DNAH5: variants seen among roughly 807,000 people sequenced by gnomAD.
The protein encoded by DNAH5 is axonemal beta dynein heavy chain 5.
In DNAH5, 372 loss-of-function variants were observed where a neutral mutation model predicts 518.2. That is an observed-to-expected ratio of 0.72 (90% CI 0.66 to 0.78). DNAH5 has a LOEUF of 0.78. DNAH5 is among the 30% of genes least tolerant of loss of function. DNAH5 has a pLI of 0.00. For synonymous variants in DNAH5, 2,039 were observed against 2,025.9 expected, an observed-to-expected ratio of 1.01 and a Z score of -0.17; for missense variants, 5,523 against 5,687.0, an observed-to-expected ratio of 0.97 and a Z score of 0.93.
chr5:13,896,861 T>C (rs1043180560), intron 15 of DNAH5: 3 of 152,220 alleles, frequency 2.0e-5, no homozygotes, highest in African/African-American at 4.8e-5. Flanking sequence ...CTAACTTTAA[T>C]GTGCCCCATA....
chr5:13,820,605 A>G (rs1762095705), intron 40 of DNAH5, 106 bp from the exon 41 acceptor site: 1 of 1,335,098 alleles, frequency 7.5e-7, no homozygotes, highest in Non-Finnish European at 1.1e-6. Context: ...CGGGCAGATC[A>G]CAAGGTCAGG....
rs767681422 is a variant in DNAH5, at chr5:13,716,671, A to G, written c.12725T>C (p.Ile4242Thr). 1 of 1,613,496 alleles carries G rather than the reference A, an allele frequency of 6.2e-7. No homozygotes were observed. The highest frequency in any genetic ancestry group is 8.5e-7 in the Non-Finnish European group (1 of 1,179,506). ...TTGAATCTCTCCTATCATGTAGCGG[A>G]TGGTGGTCCAGGAGACACCCTGGGA... is the stretch of plus-strand genomic sequence containing the variant. ...DVKKGVSWTT[I>T]RYMIGEIQYG... The change falls in exon 74 of 79, where the codon ATC becomes ACC. Residue 4242 changes from isoleucine (I) to threonine (T), a missense_variant. Ile to Thr is a moderately conservative substitution (Grantham distance 89). Coordinates refer to ENST00000265104, the MANE Select transcript of DNAH5 (RefSeq NM_001369.3).
intron 2 of DNAH5, among the ~76,000 whole-genome samples, chr5:13,929,050 C>G (rs973800985): frequency 2.0e-5 from 3 of 152,186 alleles, no homozygotes; most frequent in Non-Finnish European, 4.4e-5. Flanking sequence ...TACCCATGTT[C>G]ATAGTAGCAT....
chr5:13,817,081 T>A (rs1293695964), intron 42 of DNAH5, among the ~76,000 whole-genome samples: 1 of 152,246 alleles, frequency 6.6e-6, no homozygotes, highest in African/African-American at 2.4e-5. Flanking sequence ...CTACACAGAA[T>A]AATTTATTAG....
intron 1 of DNAH5, among the ~76,000 whole-genome samples, chr5:13,933,806 A>AAAC (rs1222898272): frequency 1.5e-4 from 23 of 151,882 alleles, no homozygotes; most frequent in African/African-American, 5.1e-4. Flanking sequence ...AAAAAAAAAA[A>AAAC]AAACTAAGGA....
chr5:13,800,863 T>C (rs1345024556), intron 47 of DNAH5, among the ~76,000 whole-genome samples: 1 of 152,128 alleles, frequency 6.6e-6, no homozygotes, highest in Non-Finnish European at 1.5e-5. Context: ...ACCAAGTAGA[T>C]ATGTTCGCTT....
intron 47 of DNAH5, among the ~76,000 whole-genome samples, chr5:13,794,332 A>G (rs143077597): frequency 1.3e-5 from 2 of 152,346 alleles, no homozygotes; most frequent in African/African-American, 4.8e-5. Flanking sequence ...ATTTCTAAAA[A>G]TTTACTTTTG....
chr5:13,691,745 G>C lies in DNAH5; in HGVS notation c.*239C>G. On this transcript the variant is annotated 3_prime_UTR_variant, in exon 79 of 79. Coordinates refer to ENST00000265104, the MANE Select transcript of DNAH5 (RefSeq NM_001369.3). ...GGATTTGAGGGCCACACTTCATTAG[G>C]ATGCTGTAAATTTACTTTTATATCA... The C allele has an allele frequency of 3.8e-6, 2 of 522,908 alleles. No individual in the cohort carries two copies. The highest frequency in any genetic ancestry group is 6.8e-6 in the Non-Finnish European group (2 of 292,506). 32.4% of individuals were successfully genotyped at this position (522,908 alleles called of 1,614,324 possible).
intron 17 of DNAH5, among the ~76,000 whole-genome samples, chr5:13,888,018 C>A (rs1392682787): frequency 1.3e-5 from 2 of 152,200 alleles, no homozygotes; most frequent in African/African-American, 2.4e-5. Context: ...CCTTCCTCGT[C>A]ATACTCAAAG....
chr5:13,984,722 A>T lies in DNAH5; in HGVS notation c.12+26926T>A, dbSNP rs182071940. On this transcript the variant is annotated intron_variant, in intron 1 of 78. Coordinates refer to the DNAH5 transcript ENST00000681290. ...TGTTCCATCAATATCTAATTTATTG[A>T]GAGTTTTTAGCATGAATGGCTGTTG... 1.3e-3 allele frequency among the ~76,000 whole-genome samples: 193 copies of T among 152,294 alleles called. 1 individual carries two copies. The highest frequency in any genetic ancestry group is 1.7e-3 in the Non-Finnish European group (114 of 68,032).
intron 70 of DNAH5, among the ~76,000 whole-genome samples, chr5:13,723,563 T>A (rs1745330760): frequency 6.6e-6 from 1 of 152,232 alleles, no homozygotes; most frequent in Non-Finnish European, 1.5e-5. Flanking sequence ...ATGGTAAATA[T>A]TTTAGACTTT....
At chr5:13,701,965 CAACAGTT>C (rs1742179646) in intron 76 of DNAH5, among the ~76,000 whole-genome samples, 1 of 152,154 alleles carries the variant, frequency 6.6e-6, no homozygotes, top group Admixed American at 6.5e-5. Flanking sequence ...ACGGGGTAAA[CAACAGTT>C]ATTTTCCAGA....
chr5:13,776,706 C>A lies in DNAH5; in HGVS notation c.9106G>T (p.Val3036Phe). The A allele has an allele frequency of 1.9e-6, 3 of 1,613,394 alleles. No homozygotes were observed. The highest frequency in any genetic ancestry group is 2.5e-6 in the Non-Finnish European group (3 of 1,179,682). Reference sequence around the variant, plus strand: ...TCATCTCGAGCAAATAGGTTAGAGACCTTAAAAAGAAGTACAGGCATGCAA... The same window carrying A: ...TCATCTCGAGCAAATAGGTTAGAGAACTTAAAAAGAAGTACAGGCATGCAA... ...YMNNVLSSGE[V>F]SNLFARDEID... The change falls in exon 55 of 79, where the codon GTC becomes TTC. Residue 3036 changes from valine (V) to phenylalanine (F), a missense_variant and splice_region_variant. Coordinates refer to ENST00000265104, the MANE Select transcript of DNAH5 (RefSeq NM_001369.3).
chr5:13,852,680 G>T (rs1266191537), intron 30 of DNAH5, among the ~76,000 whole-genome samples: 1 of 152,260 alleles, frequency 6.6e-6, no homozygotes, highest in Admixed American at 6.5e-5. Flanking sequence ...CCAGCTTGGT[G>T]GGGGGAGGGG....
At chr5:13,842,650 G>A (rs1241578366) in intron 32 of DNAH5, among the ~76,000 whole-genome samples, 1 of 152,084 alleles carries the variant, frequency 6.6e-6, no homozygotes, top group African/African-American at 2.4e-5. Flanking sequence ...CTAAAGTGCT[G>A]TACTAAGTCC....
chr5:13,882,822 T>A lies in DNAH5; in HGVS notation c.3175-7A>T. Reference sequence around the variant, plus strand: ...TTCTTTCTTGTATCTTTTTCTACAATGTAAAAGGATATTTTTCAGTTCTGT... The same window carrying A: ...TTCTTTCTTGTATCTTTTTCTACAAAGTAAAAGGATATTTTTCAGTTCTGT... On this transcript the variant is annotated splice_polypyrimidine_tract_variant and splice_region_variant and intron_variant, in intron 20 of 78. Coordinates refer to ENST00000265104, the MANE Select transcript of DNAH5 (RefSeq NM_001369.3). 6.2e-7 allele frequency: 1 copy of A among 1,613,948 alleles called. No individual in the cohort carries two copies. Among genetic ancestry groups the A allele is most frequent in the Non-Finnish European group, 8.5e-7 (1 of 1,179,774 alleles).
rs1740653619 is a variant in DNAH5 at position 13,691,126 on chromosome 5, T to G, written c.*858A>C. ...AGCCTGACTATTGAATATTTATGAT[T>G]TTTCCATTTTTTTCTGTTATTAAAT... On this transcript the variant is annotated 3_prime_UTR_variant, in exon 79 of 79. Transcript: ENST00000265104. 6.6e-6 allele frequency: 1 copy of G among 152,244 alleles called. No individual in the cohort carries two copies. Among genetic ancestry groups the G allele is most frequent in the African/African-American group, 2.4e-5 (1 of 41,476 alleles). The allele number at this position is 152,244 out of a possible 1,614,324, so 9.4% of individuals were successfully genotyped here. A position where few individuals can be genotyped will look rare whatever the true frequency, so the allele number is the denominator to read the frequency against.
chr5:13,829,646 G>T lies in DNAH5; in HGVS notation c.6308C>A (p.Ser2103Ter), dbSNP rs769260126. ...ACGGTCAGGCACCATCATGGCCACT[G>T]AGCGGAAATTAATCTTCAAGTTTTC... ...LPENLKINFRSVAMMVPDRQI... is the reference protein window; with the variant it reads ...LPENLKINFR Residue 2103 changes from serine (S) to a stop codon, truncating the protein, a stop_gained, in exon 38 of 79, where the codon TCA becomes TAA. Coordinates refer to ENST00000265104, the MANE Select transcript of DNAH5 (RefSeq NM_001369.3). LOFTEE classifies it high-confidence loss of function. The T allele has an allele frequency of 5.6e-6, 9 of 1,614,076 alleles. No homozygotes were observed. The highest frequency in any genetic ancestry group is 7.6e-6 in the Non-Finnish European group (9 of 1,180,038).
At chr5:13,714,318 T>C in intron 75 of DNAH5, 87 bp downstream of exon 75, 2 of 1,352,250 alleles carry the variant, frequency 1.5e-6, no homozygotes, top group Non-Finnish European at 2.1e-6. Flanking sequence ...AGGAAAATCA[T>C]TTTTTGCCCT....
Sources: allele counts gnomAD v4.1 joint callset (sites outside exome capture counted in the v4.1 genomes callset), GRCh38; gene constraint gnomAD v4.1.1; transcripts MANE v1.5; gene names NCBI Gene and HGNC (gene_info 2026-07-23, HGNC 2026-07-21).